Variants in MICU1 observed in about 807,000 individuals in gnomAD.
MICU1 encodes mitochondrial calcium uptake 1, also known as calcium uptake protein 1, mitochondrial.
Under a neutral mutation model 56.8 loss-of-function variants are expected in MICU1, and 45 were observed. The ratio of observed to expected loss-of-function variants is 0.79; its 90% CI spans 0.62 to 1.02. MICU1 has a LOEUF of 1.02. Among genes scored for constraint, MICU1 ranks in the 50% least tolerant of loss-of-function variants. MICU1 has a pLI of 0.00. For synonymous variants in MICU1, 186 were observed against 195.1 expected, an observed-to-expected ratio of 0.95 and a Z score of 0.39; for missense variants, 504 against 587.1, an observed-to-expected ratio of 0.86 and a Z score of 1.46.
At chr10:72,396,944 G>A (rs1162287245) in intron 10 of MICU1, among the ~76,000 whole-genome samples, 1 of 152,144 alleles carries the variant, frequency 6.6e-6, no homozygotes, top group Non-Finnish European at 1.5e-5. Flanking sequence ...ACACCACAAA[G>A]ATACTCCTTG....
At chr10:72,623,712 G>A (rs554677642) in intron 1 of MICU1, among the ~76,000 whole-genome samples, 3 of 152,060 alleles carry the variant, frequency 2.0e-5, no homozygotes, top group South Asian at 2.1e-4. Context: ...GTGGTGCCGC[G>A]CCTGTAGTTC....
At chr10:72,455,878 T>G (rs2132224338) in intron 8 of MICU1, among the ~76,000 whole-genome samples, 1 of 152,050 alleles carries the variant, frequency 6.6e-6, no homozygotes, top group South Asian at 2.1e-4. Flanking sequence ...GACACATTTC[T>G]CTGGAGATGG....
chr10:72,414,898 A>G (rs998886694), intron 9 of MICU1, among the ~76,000 whole-genome samples: 9 of 152,022 alleles, frequency 5.9e-5, no homozygotes, highest in African/African-American at 2.2e-4. Context: ...CCAGAAGCCA[A>G]TCTAATTGCC....
intron 1 of MICU1, among the ~76,000 whole-genome samples, chr10:72,617,994 C>T (rs946501034): frequency 6.6e-6 from 1 of 152,026 alleles, no homozygotes; most frequent in Non-Finnish European, 1.5e-5. Flanking sequence ...GGTAAAACCC[C>T]ATCTCTACTA....
chr10:72,369,962 G>C (rs1414389526), intron 11 of MICU1, among the ~76,000 whole-genome samples: 7 of 72 alleles, frequency 0.097, no homozygotes, highest in Admixed American at 0.33. Flanking sequence ...ATCACTGCAA[G>C]TACCCCTCCA....
At chr10:72,377,885 T>C (rs1862576159) in intron 10 of MICU1, among the ~76,000 whole-genome samples, 2 of 152,204 alleles carry the variant, frequency 1.3e-5, no homozygotes, top group Non-Finnish European at 2.9e-5. Context: ...TCTTTCACTT[T>C]GCCTCTATCA....
chr10:72,399,240 C>T (rs7897343), intron 10 of MICU1, among the ~76,000 whole-genome samples: 6,209 of 151,796 alleles, frequency 0.041, 419 homozygotes, highest in African/African-American at 0.14. Flanking sequence ...CATGTTCTCA[C>T]TCATAGGTGG....
chr10:72,512,815 C>T (rs1248252107), intron 5 of MICU1, among the ~76,000 whole-genome samples: 1 of 152,080 alleles, frequency 6.6e-6, no homozygotes, highest in Non-Finnish European at 1.5e-5. Flanking sequence ...GGTGATCCTC[C>T]CATCTCAGCC....
At chr10:72,460,315 T>G (rs931320278) in intron 8 of MICU1, among the ~76,000 whole-genome samples, 1 of 152,188 alleles carries the variant, frequency 6.6e-6, no homozygotes, top group Non-Finnish European at 1.5e-5. Context: ...TAACCTAGAA[T>G]GTACTTTTGT....
chr10:72,457,539 GA>G (rs1374041037), intron 8 of MICU1, among the ~76,000 whole-genome samples: 1 of 151,952 alleles, frequency 6.6e-6, no homozygotes, highest in Non-Finnish European at 1.5e-5. Flanking sequence ...CTACTTTTAA[GA>G]ACCACTAGTG....
intron 3 of MICU1, among the ~76,000 whole-genome samples, chr10:72,555,414 G>A (rs1235094405): frequency 6.6e-6 from 1 of 152,098 alleles, no homozygotes; most frequent in Non-Finnish European, 1.5e-5. Flanking sequence ...GAAGAAAAAT[G>A]TTAATTTTTT....
intron 10 of MICU1, among the ~76,000 whole-genome samples, chr10:72,387,737 C>T (rs2132059838): frequency 1.6e-5 from 1 of 63,398 alleles, no homozygotes; most frequent in African/African-American, 6.6e-5. Context: ...CAGTAGATTC[C>T]ACTTCCTCAG....
At chr10:72,578,467 G>C (rs1357063047) in intron 1 of MICU1, among the ~76,000 whole-genome samples, 1 of 143,724 alleles carries the variant, frequency 7.0e-6, no homozygotes, top group African/African-American at 2.6e-5. Flanking sequence ...GTTTCACCAT[G>C]TTGGCCAGGC....
At chr10:72,502,146 GT>G (rs1173541219) in intron 6 of MICU1, among the ~76,000 whole-genome samples, 5,214 of 88,348 alleles carry the variant, frequency 0.059, 307 homozygotes, top group African/African-American at 0.15. Context: ...TTGTTTTGCT[GT>G]TTTTTTTTTT....
chr10:72,496,105 C>T (rs965723898), intron 6 of MICU1, among the ~76,000 whole-genome samples: 2 of 151,620 alleles, frequency 1.3e-5, no homozygotes, highest in Non-Finnish European at 2.9e-5. Flanking sequence ...TAGCTGGAAC[C>T]ACAGGCACAC....
intron 3 of MICU1, among the ~76,000 whole-genome samples, chr10:72,559,654 T>G (rs1840243701): frequency 6.6e-6 from 1 of 152,098 alleles, no homozygotes; most frequent in Non-Finnish European, 1.5e-5. Context: ...TTGAGACCTC[T>G]ACAATGAATA....
rs1207625549 is a variant in MICU1 at position 72,608,216 on chromosome 10, G to A, written c.-2+17794C>T. On this transcript the variant is annotated intron_variant, in intron 1 of 11. Coordinates refer to ENST00000361114, the MANE Select transcript of MICU1 (RefSeq NM_001195518.2). ...CCTGAGTAGCTGCGATTACAGGCAT[G>A]TGCCACCAAGCCCCGCTAATTTTTG... Among the ~76,000 whole-genome samples, 2 of 152,062 alleles carry A rather than the reference G, an allele frequency of 1.3e-5. 1 individual carries two copies. Among genetic ancestry groups the A allele is most frequent in the Non-Finnish European group, 2.9e-5 (2 of 68,012 alleles).
chr10:72,550,818 A>G (rs1341147184), intron 4 of MICU1, among the ~76,000 whole-genome samples: 1 of 152,208 alleles, frequency 6.6e-6, no homozygotes, highest in Non-Finnish European at 1.5e-5. Flanking sequence ...ATTTGATCCC[A>G]CTTTAAAAGT....
At chr10:72,607,504 T>C (rs1841723588) in intron 1 of MICU1, among the ~76,000 whole-genome samples, 2 of 150,790 alleles carry the variant, frequency 1.3e-5, no homozygotes, top group Non-Finnish European at 3.0e-5. Context: ...GTGGGCATGG[T>C]GGTGCGCCTG....
Sources: gnomAD v4.1 joint callset for allele counts (sites outside exome capture counted in the v4.1 genomes callset) on GRCh38, gnomAD v4.1.1 for gene constraint, MANE v1.5 for transcripts, NCBI Gene and HGNC (gene_info 2026-07-23, HGNC 2026-07-21) for gene names.